The following EREG variants were observed in gnomAD, a reference collection of about 807,000 sequenced individuals.
EREG encodes proepiregulin.
EREG carries 23 observed loss-of-function variants against 22.4 expected under a neutral mutation model. That is an observed-to-expected ratio of 1.03 (90% confidence interval 0.74 to 1.46). The LOEUF is 1.46. EREG is among the 40% of genes most tolerant of loss of function. EREG has a pLI of 0.00. For missense variants in EREG, 226 were observed against 205.9 expected, an observed-to-expected ratio of 1.10 and a Z score of -0.60; for synonymous variants, 100 against 75.4, an observed-to-expected ratio of 1.33 and a Z score of -1.69.
At chr4:74,381,277 G>T in intron 3 of EREG, 140 bp downstream of exon 3, 1 of 670,428 alleles carries the variant, frequency 1.5e-6, no homozygotes, top group Non-Finnish European at 2.5e-6. Flanking sequence ...CAAATAGTGT[G>T]CATGGAACCC....
chr4:74,366,829 C>T (rs1346847568), intron 1 of EREG, among the ~76,000 whole-genome samples: 4 of 152,248 alleles, frequency 2.6e-5, no homozygotes, highest in East Asian at 1.9e-4. Context: ...TCATCTATTT[C>T]GTCAGCTGCC....
chr4:74,367,364 G>A (rs1752203502), intron 1 of EREG, among the ~76,000 whole-genome samples: 1 of 152,216 alleles, frequency 6.6e-6, no homozygotes, highest in Non-Finnish European at 1.5e-5. Flanking sequence ...TTAAGTAGAA[G>A]AGTTGAAATA....
chr4:74,371,886 C>T (rs927707299), intron 1 of EREG, among the ~76,000 whole-genome samples: 1 of 151,026 alleles, frequency 6.6e-6, no homozygotes, highest in African/African-American at 2.4e-5. Flanking sequence ...AGAAACTTGG[C>T]ATCATCTATA....
At position 74,384,711 on chromosome 4, in the gene EREG, T is replaced by A; in HGVS notation, c.429-16T>A. 1 of 1,532,974 alleles carries A rather than the reference T, an allele frequency of 6.5e-7. No individual in the cohort carries two copies. The highest frequency in any genetic ancestry group is 9.0e-7 in the Non-Finnish European group (1 of 1,106,370). The allele number at this position is 1,532,974 out of a possible 1,614,324, so 95.0% of individuals were successfully genotyped here. Reference sequence around the variant, plus strand: ...TTAACTGCAGTGCTAACAGTTTCGTTTGTGAATATTTCCAGGTACAGAAAT... The same window carrying A: ...TTAACTGCAGTGCTAACAGTTTCGTATGTGAATATTTCCAGGTACAGAAAT... On this transcript the variant is annotated splice_polypyrimidine_tract_variant and intron_variant, in intron 4 of 4. Coordinates refer to ENST00000244869, the MANE Select transcript of EREG (RefSeq NM_001432.3).
chr4:74,366,177 A>G (rs1273011821), intron 1 of EREG, among the ~76,000 whole-genome samples: 3 of 152,204 alleles, frequency 2.0e-5, no homozygotes, highest in African/African-American at 7.2e-5. Context: ...CTGTTAAAAA[A>G]AAATTACTTC....
At chr4:74,371,334 A>T (rs1295838963) in intron 1 of EREG, among the ~76,000 whole-genome samples, 1 of 152,220 alleles carries the variant, frequency 6.6e-6, no homozygotes, top group African/African-American at 2.4e-5. Flanking sequence ...TTAAAAAATC[A>T]GCTTGGCAAT....
rs145400773 is a variant in EREG at position 74,366,226 on chromosome 4, G to T, written c.67+851G>T. ...AAACTTCAGTTTAAGGAATTTGAAA[G>T]AGTTTGAAGTCGTATATGAATATCT... On this transcript the variant is annotated intron_variant, in intron 1 of 4. Transcript: ENST00000244869. Among the ~76,000 whole-genome samples the T allele has an allele frequency of 7.2e-4, 110 of 152,252 alleles. 1 individual carries two copies. The highest frequency in any genetic ancestry group is 2.5e-3 in the African/African-American group (102 of 41,546).
chr4:74,373,653 A>ATGTATGTATG (rs1752330358), intron 1 of EREG, among the ~76,000 whole-genome samples: 1 of 146,434 alleles, frequency 6.8e-6, no homozygotes, highest in Non-Finnish European at 1.5e-5. Context: ...TAAGTAATAT[A>ATGTATGTATG]TGTATATATG....
chr4:74,369,223 G>T lies in EREG; in HGVS notation c.67+3848G>T, dbSNP rs145735798. Among the ~76,000 whole-genome samples, 270 of 152,180 alleles carry T rather than the reference G, an allele frequency of 1.8e-3. 1 individual carries two copies. The highest frequency in any genetic ancestry group is 6.3e-3 in the African/African-American group (262 of 41,530). ...TGGGTGAATTCTATAGTGGTGAATT[G>T]TGAGATTTTAGTGCGCCTATCACCT... is the stretch of plus-strand genomic sequence containing the variant. On this transcript the variant is annotated intron_variant, in intron 1 of 4. Transcript: ENST00000244869.
At chr4:74,383,582 GA>G (rs755217234) in intron 4 of EREG, among the ~76,000 whole-genome samples, 3 of 152,100 alleles carry the variant, frequency 2.0e-5, no homozygotes, top group Non-Finnish European at 4.4e-5. Flanking sequence ...CAAAGGATGG[GA>G]ACAGTGTGAA....
chr4:74,376,762 A>T (rs1385021803), intron 1 of EREG, among the ~76,000 whole-genome samples: 1 of 152,190 alleles, frequency 6.6e-6, no homozygotes, highest in Non-Finnish European at 1.5e-5. Flanking sequence ...ATTTCAAAAG[A>T]TAAATTTGTA....
At chr4:74,371,551 C>T (rs1053331720) in intron 1 of EREG, among the ~76,000 whole-genome samples, 3 of 152,118 alleles carry the variant, frequency 2.0e-5, no homozygotes, top group Non-Finnish European at 4.4e-5. Flanking sequence ...CTGCTCTCTA[C>T]CACCTGTTTC....
Position 74,382,808 on chromosome 4 carries a change from G to A in EREG, c.428+14G>A. On this transcript the variant is annotated intron_variant, in intron 4 of 4. Coordinates refer to ENST00000244869, the MANE Select transcript of EREG (RefSeq NM_001432.3). ...TTTCTGCAGATGGTAAGTCAGTGTG[G>A]TTTTATACTCTGCTTTTACAAATTA... 3.1e-6 allele frequency: 5 copies of A among 1,599,212 alleles called. No homozygotes were observed. The highest frequency in any genetic ancestry group is 3.4e-6 in the Non-Finnish European group (4 of 1,172,506).
chr4:74,382,559 G>A (rs1387624951), intron 3 of EREG, 86 bp from the exon 4 acceptor site: 22 of 1,046,588 alleles, frequency 2.1e-5, no homozygotes, highest in East Asian at 2.4e-5. Flanking sequence ...GCATTACAGT[G>A]TGATGTTAGT....
chr4:74,378,361 GTATTTA>G (rs1413201845), intron 1 of EREG, among the ~76,000 whole-genome samples: 2 of 152,100 alleles, frequency 1.3e-5, no homozygotes, highest in African/African-American at 4.8e-5. Flanking sequence ...CACATAGGAG[GTATTTA>G]TTCTCAAAAG....
Position 74,387,324 on chromosome 4 carries a change from T to A in EREG, c.*2516T>A, listed in dbSNP as rs1752585316. The A allele has an allele frequency of 6.6e-6, 1 of 152,124 alleles. No homozygotes were observed. Among genetic ancestry groups the A allele is most frequent in the Admixed American group, 6.6e-5 (1 of 15,264 alleles). The allele number at this position is 152,124 out of a possible 1,614,324, so 9.4% of individuals were successfully genotyped here. A position where few individuals can be genotyped will look rare whatever the true frequency, so the allele number is the denominator to read the frequency against. ...TCTGAATATTTTCAGTGATCTTGGC[T>A]GTTTCAAAAAAATCTATTGACTTTT... On this transcript the variant is annotated 3_prime_UTR_variant, in exon 5 of 5. Coordinates refer to ENST00000244869, the MANE Select transcript of EREG (RefSeq NM_001432.3).
intron 1 of EREG, among the ~76,000 whole-genome samples, chr4:74,372,082 G>A (rs1161603346): frequency 6.6e-6 from 1 of 152,176 alleles, no homozygotes; most frequent in Non-Finnish European, 1.5e-5. Context: ...AAGCAAGGAT[G>A]GGGTAAGCTG....
At chr4:74,380,077 C>T (rs1180002872) in intron 2 of EREG, among the ~76,000 whole-genome samples, 1 of 151,968 alleles carries the variant, frequency 6.6e-6, no homozygotes, top group Non-Finnish European at 1.5e-5. Flanking sequence ...CCCTCGAGGA[C>T]TGTGGACTCC....
chr4:74,371,147 C>A (rs1220355815), intron 1 of EREG, among the ~76,000 whole-genome samples: 5 of 152,092 alleles, frequency 3.3e-5, no homozygotes, highest in Admixed American at 6.5e-5. Context: ...ATTTTGCCAA[C>A]CTTGGTTGGC....
Sources: allele counts gnomAD v4.1 joint callset (sites outside exome capture counted in the v4.1 genomes callset), GRCh38; gene constraint gnomAD v4.1.1; transcripts MANE v1.5; gene names NCBI Gene and HGNC (gene_info 2026-07-23, HGNC 2026-07-21).